The following RALGAPA2 variants were observed in gnomAD, a reference collection of about 807,000 sequenced individuals.
RALGAPA2 encodes Ral GTPase activating protein catalytic subunit alpha 2.
Under a neutral mutation model 230.4 loss-of-function variants are expected in RALGAPA2, and 139 were observed. The ratio of observed to expected loss-of-function variants is 0.60; its 90% CI spans 0.53 to 0.69. The LOEUF is 0.69. RALGAPA2 is among the 30% of genes least tolerant of loss of function. The pLI, the probability that RALGAPA2 is intolerant of heterozygous loss-of-function variation, is 0.00. For synonymous variants in RALGAPA2, 847 were observed against 837.8 expected, an observed-to-expected ratio of 1.01 and a Z score of -0.19; for missense variants, 2,163 against 2,276.0, an observed-to-expected ratio of 0.95 and a Z score of 1.01.
chr20:20,619,157 C>G, intron 12 of RALGAPA2, 120 bp downstream of exon 12: 4 of 1,040,210 alleles, frequency 3.8e-6, no homozygotes, highest in Non-Finnish European at 5.0e-6. Context: ...TTATCGTTTA[C>G]TGACAGATGG....
intron 38 of RALGAPA2, among the ~76,000 whole-genome samples, chr20:20,401,713 G>A (rs1263827656): frequency 2.0e-5 from 3 of 152,180 alleles, no homozygotes; most frequent in African/African-American, 4.8e-5. Context: ...TGTGTGAGGT[G>A]TCTGAGGAAA....
At chr20:20,615,741 G>A (rs897946038) in intron 13 of RALGAPA2, among the ~76,000 whole-genome samples, 1 of 151,852 alleles carries the variant, frequency 6.6e-6, no homozygotes, top group Admixed American at 6.6e-5. Context: ...AGCTTATGGT[G>A]AGTATTATAA....
chr20:20,576,047 T>C (rs1396149843), intron 20 of RALGAPA2, among the ~76,000 whole-genome samples: 2 of 152,166 alleles, frequency 1.3e-5, no homozygotes, highest in Non-Finnish European at 2.9e-5. Context: ...ATTTTTGTTG[T>C]TGGCTTTAAT....
Position 20,712,634 on chromosome 20 carries a change from G to GCCGCCGCCGCCGC in RALGAPA2, c.-155_-154insGCGGCGGCGGCGG. On this transcript the variant is annotated 5_prime_UTR_variant, in exon 1 of 40. Coordinates refer to ENST00000202677, the MANE Select transcript of RALGAPA2 (RefSeq NM_020343.4). This position sits in a 1 kb window ranked among gnomAD's most constrained non-coding sequence, Gnocchi z 5.5. ...CGCCGCCGCCGCCGCCGCCGCCTCA[G>GCCGCCGCCGCCGC]CTGTGTCTCCAGGAAGGAGGGGCGG... is the stretch of plus-strand genomic sequence containing the variant. The GCCGCCGCCGCCGC allele has an allele frequency of 8.5e-5, 100 of 1,175,990 alleles. No homozygotes were observed. Among genetic ancestry groups the GCCGCCGCCGCCGC allele is most frequent in the Non-Finnish European group, 9.9e-5 (94 of 948,014 alleles). The allele number at this position is 1,175,990 out of a possible 1,614,324, so 72.8% of individuals were successfully genotyped here.
At chr20:20,567,165 C>T (rs951855499) in intron 23 of RALGAPA2, among the ~76,000 whole-genome samples, 1 of 152,212 alleles carries the variant, frequency 6.6e-6, no homozygotes, top group African/African-American at 2.4e-5. Context: ...GTCTCTGATA[C>T]ATGTTCTTAC....
At chr20:20,677,591 T>G (rs2068373296) in intron 2 of RALGAPA2, among the ~76,000 whole-genome samples, 1 of 151,190 alleles carries the variant, frequency 6.6e-6, no homozygotes, top group South Asian at 2.1e-4. Context: ...GAGAACCCGT[T>G]TGAAACTTTA....
chr20:20,545,903 A>C (rs2063762586), intron 24 of RALGAPA2, among the ~76,000 whole-genome samples: 1 of 152,140 alleles, frequency 6.6e-6, no homozygotes, highest in Non-Finnish European at 1.5e-5. Context: ...CAATCTCTAC[A>C]AAAAATTTAA....
At chr20:20,571,659 G>C (rs1339937232) in intron 22 of RALGAPA2, 46 bp from the exon 23 acceptor site, 2 of 1,575,448 alleles carry the variant, frequency 1.3e-6, no homozygotes, top group Non-Finnish European at 8.6e-7. Flanking sequence ...CCCAGGTGCA[G>C]AGTATTTCAA....
intron 37 of RALGAPA2, among the ~76,000 whole-genome samples, chr20:20,424,695 A>C (rs557955049): frequency 4.6e-5 from 7 of 152,346 alleles, no homozygotes; most frequent in African/African-American, 1.7e-4. Flanking sequence ...GAACTGACCT[A>C]ATGTTAAATG....
Position 20,608,610 on chromosome 20 carries a change from C to T in RALGAPA2, c.1800+2705G>A, listed in dbSNP as rs574114512. On this transcript the variant is annotated intron_variant, in intron 14 of 39. Coordinates refer to ENST00000202677, the MANE Select transcript of RALGAPA2 (RefSeq NM_020343.4). The stretch of plus-strand genomic sequence containing the variant: ...AATTTTTCAAAAAAAAATCAAGTGT[C>T]TAGCCATTTTAGACAGTCCACATGA... Among the ~76,000 whole-genome samples, 5 of 152,308 alleles carry T rather than the reference C, an allele frequency of 3.3e-5. No homozygotes were observed. The South Asian group carries it at 6.2e-4, about 19-fold the overall frequency.
intron 13 of RALGAPA2, among the ~76,000 whole-genome samples, chr20:20,615,215 G>C (rs1349432580): frequency 6.6e-6 from 1 of 151,160 alleles, no homozygotes; most frequent in African/African-American, 2.4e-5. Flanking sequence ...GCCCAGGCTG[G>C]AGTGCAGTGG....
At chr20:20,572,839 C>T in intron 21 of RALGAPA2, 36 bp downstream of exon 21, 1 of 1,409,784 alleles carries the variant, frequency 7.1e-7, no homozygotes, top group Non-Finnish European at 9.5e-7. Flanking sequence ...GACCATTTTC[C>T]TGGATTAGAA....
chr20:20,604,182 T>A (rs1359945325), intron 15 of RALGAPA2, among the ~76,000 whole-genome samples: 2 of 152,226 alleles, frequency 1.3e-5, no homozygotes, highest in African/African-American at 2.4e-5. Context: ...TTGTATTTGA[T>A]CTACTGTACT....
At chr20:20,449,597 CT>C in intron 37 of RALGAPA2, among the ~76,000 whole-genome samples, 1 of 152,220 alleles carries the variant, frequency 6.6e-6, no homozygotes, top group Middle Eastern at 3.4e-3. Context: ...ATACTTTCCC[CT>C]GTCACTAATT....
chr20:20,711,551 G>C (rs1008425614), intron 1 of RALGAPA2, among the ~76,000 whole-genome samples: 1 of 152,148 alleles, frequency 6.6e-6, no homozygotes, highest in Non-Finnish European at 1.5e-5. Context: ...AGGAAGCCTT[G>C]TGGACACCTC....
intron 27 of RALGAPA2, among the ~76,000 whole-genome samples, chr20:20,527,521 C>T (rs1477146930): frequency 6.6e-6 from 1 of 152,116 alleles, no homozygotes; most frequent in Non-Finnish European, 1.5e-5. Context: ...CCCAGGTCTG[C>T]ATGTGGCTTG....
chr20:20,591,371 C>T, intron 16 of RALGAPA2, 57 bp from the exon 17 acceptor site: 2 of 1,544,284 alleles, frequency 1.3e-6, no homozygotes, highest in Non-Finnish European at 1.8e-6. Context: ...AAAACACATT[C>T]ACCACTTAAA....
intron 27 of RALGAPA2, among the ~76,000 whole-genome samples, chr20:20,531,006 C>A (rs2063353502): frequency 6.6e-6 from 1 of 152,180 alleles, no homozygotes; most frequent in Admixed American, 6.5e-5. Context: ...AGCCTAACAG[C>A]ACCTGTGAAA....
In RALGAPA2 at chr20:20,601,987, C is replaced by A. The variant is rs2065668275; in HGVS notation, c.2039-141G>T. On this transcript the variant is annotated intron_variant, in intron 15 of 39. Transcript: ENST00000202677. ...TCACAAATTAAGTACCACTTCCTTA[C>A]ACTGCAATTTAGGAAGTTGCTCATA... is the stretch of plus-strand genomic sequence containing the variant. 5 of 699,980 alleles carry A rather than the reference C, an allele frequency of 7.1e-6. No individual in the cohort carries two copies. In the Admixed American group the frequency reaches 1.1e-4, roughly 16 times the overall value. The allele number at this position is 699,980 out of a possible 1,614,324, so 43.4% of individuals were successfully genotyped here.
Sources: allele counts gnomAD v4.1 joint callset (sites outside exome capture counted in the v4.1 genomes callset), GRCh38; gene constraint gnomAD v4.1.1; non-coding constraint Gnocchi (gnomAD v3.1); transcripts MANE v1.5; gene names NCBI Gene and HGNC (gene_info 2026-07-23, HGNC 2026-07-21).